USP14: variants seen among roughly 807,000 people sequenced by gnomAD.
USP14 encodes the protein ubiquitin carboxyl-terminal hydrolase 14.
USP14 carries 38 observed loss-of-function variants against 76.5 expected under a neutral mutation model. That is an observed-to-expected ratio of 0.50 (90% CI 0.38 to 0.65). The LOEUF is 0.65. Among genes scored for constraint, USP14 ranks in the 30% least tolerant of loss-of-function variants. The pLI is 0.00. For missense variants in USP14, 467 were observed against 586.5 expected (o/e 0.80, Z 2.10); for synonymous variants, 192 against 191.7 (o/e 1.00, Z -0.01).
intron 5 of USP14, among the ~76,000 whole-genome samples, chr18:183,701 A>G (rs1909848930): frequency 6.8e-6 from 1 of 147,884 alleles, no homozygotes; most frequent in South Asian, 2.1e-4. Flanking sequence ...TTGGATCTAA[A>G]TCCTGCTTTT....
rs1451182858 is a variant in USP14, at chr18:197,627, A to G, written c.606A>G (p.Glu202=). ...QGQYLQQDAN[E]CWIQMMRVLQ... ...TTTTTACATTACAGGATGCTAATGA[A>G]TGTTGGATACAAATGATGCGAGTAT... The change falls in exon 8 of 16, where the codon GAA becomes GAG. Residue 202 remains glutamate (E), a synonymous_variant. Coordinates refer to ENST00000261601, the MANE Select transcript of USP14 (RefSeq NM_005151.4). 6.2e-7 allele frequency: 1 copy of G among 1,611,842 alleles called. No homozygotes were observed. The highest frequency in any genetic ancestry group is 1.1e-5 in the South Asian group (1 of 90,842).
At chr18:194,804 G>A (rs1910186666) in intron 6 of USP14, among the ~76,000 whole-genome samples, 1 of 152,114 alleles carries the variant, frequency 6.6e-6, no homozygotes, top group African/African-American at 2.4e-5. Flanking sequence ...GTTGGTGCAT[G>A]TCTGTAATCC....
chr18:191,796 T>C (rs888424249), intron 5 of USP14, among the ~76,000 whole-genome samples: 1 of 152,186 alleles, frequency 6.6e-6, no homozygotes. Flanking sequence ...ACTAGTTTTT[T>C]TTAAATTTTG....
At chr18:210,302 C>A in intron 14 of USP14, 84 bp from the exon 15 acceptor site, 1 of 1,023,138 alleles carries the variant, frequency 9.8e-7, no homozygotes, top group Non-Finnish European at 1.4e-6. Flanking sequence ...GTAATGTGAA[C>A]TTTAGAGTTA....
At chr18:194,365 C>T (rs1055844154) in intron 6 of USP14, among the ~76,000 whole-genome samples, 17 of 152,106 alleles carry the variant, frequency 1.1e-4, no homozygotes, top group Admixed American at 6.6e-5. Flanking sequence ...ATCATATATG[C>T]GGCTAATAGT....
intron 2 of USP14, among the ~76,000 whole-genome samples, chr18:165,049 A>G (rs1271485164): frequency 6.6e-6 from 1 of 152,088 alleles, no homozygotes; most frequent in Non-Finnish European, 1.5e-5. Context: ...CCCGGGCTCA[A>G]GTGACTGTCC....
intron 5 of USP14, among the ~76,000 whole-genome samples, chr18:184,503 CAGT>C (rs1909874890): frequency 6.6e-6 from 1 of 152,110 alleles, no homozygotes; most frequent in Non-Finnish European, 1.5e-5. Flanking sequence ...CCTGTAATCC[CAGT>C]ACTTTGGGAG....
At chr18:166,674 G>A (rs1257413001) in intron 2 of USP14, 113 bp from the exon 3 acceptor site, 22 of 1,271,070 alleles carry the variant, frequency 1.7e-5, no homozygotes, top group Non-Finnish European at 2.3e-5. Context: ...AATAAAATCT[G>A]CATATAGGAT....
At chr18:182,766 G>C (rs17447476) in intron 5 of USP14, among the ~76,000 whole-genome samples, 31,743 of 152,156 alleles carry the variant, frequency 0.21, 3,814 homozygotes, top group South Asian at 0.28. Flanking sequence ...CTGGATGAGA[G>C]GTTAGGGAAG....
At chr18:163,149 A>G (rs1909170434) in intron 1 of USP14, 159 bp from the exon 2 acceptor site, 1 of 570,264 alleles carries the variant, frequency 1.8e-6, no homozygotes, top group African/African-American at 1.9e-5. Flanking sequence ...TTCAGCACCT[A>G]CTGCATGCAT....
chr18:168,199 T>C (rs1249012900), intron 3 of USP14, among the ~76,000 whole-genome samples: 1 of 152,162 alleles, frequency 6.6e-6, no homozygotes, highest in Admixed American at 6.5e-5. Flanking sequence ...GTGCTAGGAT[T>C]ACAGGCGTGA....
At chr18:200,592 G>A (rs1910358760) in intron 10 of USP14, among the ~76,000 whole-genome samples, 1 of 152,152 alleles carries the variant, frequency 6.6e-6, no homozygotes, top group South Asian at 2.1e-4. Context: ...CACATAAAAT[G>A]TCAGCTTCCA....
At chr18:186,827 G>A (rs573828177) in intron 5 of USP14, among the ~76,000 whole-genome samples, 1 of 152,144 alleles carries the variant, frequency 6.6e-6, no homozygotes, top group Middle Eastern at 3.4e-3. Context: ...AGCAGTGTAT[G>A]TGTTTTTTTA....
rs141563168 is a variant in USP14, at chr18:185,253, G to A, written c.404+4914G>A. 2.6e-3 allele frequency among the ~76,000 whole-genome samples: 396 copies of A among 151,986 alleles called. 1 individual carries two copies. The highest frequency in any genetic ancestry group is 9.2e-3 in the African/African-American group (381 of 41,410). On this transcript the variant is annotated intron_variant, in intron 5 of 15. Transcript: ENST00000261601. ...CAGCTCACTGCAGCCTCTGCCTCCC[G>A]GCTTGAGCAATTCTTCTGTCTCAGC...
At chr18:164,368 AT>A (rs1255451938) in intron 2 of USP14, among the ~76,000 whole-genome samples, 1 of 151,266 alleles carries the variant, frequency 6.6e-6, no homozygotes, top group East Asian at 1.9e-4. Flanking sequence ...GCACTTCAGC[AT>A]TTTTACCAAA....
At position 209,992 on chromosome 18, in the gene USP14, CAGAA is replaced by C; in HGVS notation, c.1191_1194del (p.Glu398LeufsTer26). The C allele has an allele frequency of 6.2e-7, 1 of 1,604,184 alleles. No homozygotes were observed. Among genetic ancestry groups the C allele is most frequent in the Non-Finnish European group, 8.5e-7 (1 of 1,176,676 alleles). ...TCAGAGTGACAAAAAGAGTAGTCCC[CAGAA>C]AGAAGTTAAGTATGAACCCTTTTCT... is the stretch of plus-strand genomic sequence containing the variant. On this transcript the variant is annotated frameshift_variant, in exon 14 of 16. Coordinates refer to ENST00000261601, the MANE Select transcript of USP14 (RefSeq NM_005151.4). LOFTEE classifies it high-confidence loss of function.
chr18:162,997 C>T (rs932155630), intron 1 of USP14: 19 of 172,072 alleles, frequency 1.1e-4, no homozygotes, highest in Non-Finnish European at 2.1e-4. Flanking sequence ...AGGCTGGTCT[C>T]GAACTCCTGA....
chr18:194,788 G>A (rs893516684), intron 6 of USP14, among the ~76,000 whole-genome samples: 3 of 152,214 alleles, frequency 2.0e-5, no homozygotes, highest in South Asian at 4.2e-4. Context: ...AAAATTAGCC[G>A]GGTGTGTTGG....
At chr18:163,269 G>A in intron 1 of USP14, 39 bp from the exon 2 acceptor site, 1 of 1,541,962 alleles carries the variant, frequency 6.5e-7, no homozygotes, top group South Asian at 1.2e-5. Flanking sequence ...ATCTTGTCTT[G>A]TTATTTTTTA....
Sources: gnomAD v4.1 joint callset for allele counts (sites outside exome capture counted in the v4.1 genomes callset) on GRCh38, gnomAD v4.1.1 for gene constraint, MANE v1.5 for transcripts, NCBI Gene and HGNC (gene_info 2026-07-23, HGNC 2026-07-21) for gene names.